Variants in CACHD1 observed in about 807,000 individuals in gnomAD.
The protein encoded by CACHD1 is VWFA and cache domain-containing protein 1.
A neutral mutation model predicts 138.7 loss-of-function variants in CACHD1; 71 were observed. The ratio of observed to expected loss-of-function variants is 0.51; its 90% CI spans 0.42 to 0.62. The LOEUF (loss-of-function observed/expected upper bound fraction) is 0.62, where lower values mean the gene tolerates loss of function less well. CACHD1 is among the 20% of genes least tolerant of loss of function. The pLI is 0.00. For missense variants in CACHD1, 1,389 were observed against 1,625.3 expected (o/e 0.85, Z 2.50); for synonymous variants, 578 against 591.5 (o/e 0.98, Z 0.33).
chr1:64,644,653 A>G (rs2100666040), intron 8 of CACHD1, among the ~76,000 whole-genome samples: 1 of 152,306 alleles, frequency 6.6e-6, no homozygotes, highest in African/African-American at 2.4e-5. Context: ...ATCTAACCAG[A>G]CACACATCCT....
In CACHD1 at chr1:64,597,628, A is replaced by C. The variant is rs570601881; in HGVS notation, c.411-5178A>C. On this transcript the variant is annotated intron_variant, in intron 3 of 26. Transcript: ENST00000651257. ...ACACTGGTTTTATCTTATGAAAATG[A>C]GCATAGAATGCAGTTATAGAGTCAG... Among the ~76,000 whole-genome samples the C allele has an allele frequency of 4.1e-5, 6 of 147,422 alleles. No homozygotes were observed. In the Admixed American group the frequency reaches 4.2e-4, roughly 10 times the overall value.
intron 8 of CACHD1, among the ~76,000 whole-genome samples, chr1:64,646,952 A>T (rs1258248648): frequency 1.3e-5 from 2 of 152,156 alleles, no homozygotes; most frequent in African/African-American, 4.8e-5. Flanking sequence ...CCTTTTAAAA[A>T]GGCAGTGGTA....
At position 64,598,930 on chromosome 1, in the gene CACHD1, AT is replaced by A. The variant is rs1480032427; in HGVS notation, c.411-3875del. 2.2e-5 allele frequency among the ~76,000 whole-genome samples: 3 copies of A among 134,304 alleles called. No individual in the cohort carries two copies. The East Asian group carries it at 6.1e-4, about 27-fold the overall frequency. 88.1% of individuals were successfully genotyped at this position (134,304 alleles called of 152,430 possible). A position where few individuals can be genotyped will look rare whatever the true frequency, so the allele number is the denominator to read the frequency against. ...ATATATTAATATCATTAATATTATT[AT>A]ATATTAATATTAATATATATTAATA... On this transcript the variant is annotated intron_variant, in intron 3 of 26. Transcript: ENST00000651257.
chr1:64,671,076 T>A (rs919453261), intron 16 of CACHD1, among the ~76,000 whole-genome samples: 2 of 152,236 alleles, frequency 1.3e-5, no homozygotes, highest in African/African-American at 2.4e-5. Flanking sequence ...GGAAAAAAAC[T>A]GGACTAGACA....
intron 26 of CACHD1, among the ~76,000 whole-genome samples, chr1:64,685,825 G>A (rs1168384756): frequency 1.3e-5 from 2 of 150,748 alleles, no homozygotes; most frequent in Non-Finnish European, 2.9e-5. Context: ...AACTCTTTGA[G>A]CTCTTTGAGA....
intron 1 of CACHD1, among the ~76,000 whole-genome samples, chr1:64,511,647 G>C (rs1370495337): frequency 6.6e-6 from 1 of 152,222 alleles, no homozygotes; most frequent in Non-Finnish European, 1.5e-5. Flanking sequence ...TACTGCAGAA[G>C]ACAATCTGTT....
At chr1:64,487,457 A>T (rs1159446036) in intron 1 of CACHD1, among the ~76,000 whole-genome samples, 2 of 152,192 alleles carry the variant, frequency 1.3e-5, no homozygotes, top group African/African-American at 4.8e-5. Context: ...AAGCTCCTAG[A>T]GCTGGGTTGA....
intron 13 of CACHD1, among the ~76,000 whole-genome samples, chr1:64,661,305 C>T (rs1649432753): frequency 6.6e-6 from 1 of 152,064 alleles, no homozygotes; most frequent in African/African-American, 2.4e-5. Context: ...TTTAAGAGTG[C>T]ATCATCTAAG....
chr1:64,575,969 A>T (rs1266267065), intron 2 of CACHD1, among the ~76,000 whole-genome samples: 1 of 152,352 alleles, frequency 6.6e-6, no homozygotes, highest in East Asian at 1.9e-4. Context: ...AAAGAAATTC[A>T]TTGATGTTGT....
At chr1:64,679,913 G>T (rs749199670) in intron 24 of CACHD1, among the ~76,000 whole-genome samples, 157 bp downstream of exon 24, 15 of 152,172 alleles carry the variant, frequency 9.9e-5, no homozygotes, top group Admixed American at 3.3e-4. Flanking sequence ...CTTCTTCAGT[G>T]CCTAAACCCT....
intron 4 of CACHD1, among the ~76,000 whole-genome samples, chr1:64,607,120 G>A (rs1054694360): frequency 4.6e-5 from 7 of 152,132 alleles, no homozygotes; most frequent in African/African-American, 1.7e-4. Flanking sequence ...AGATCACGTA[G>A]CAAGTGACTG....
rs1436226716 is a variant in CACHD1, at chr1:64,691,576, C to G, written c.*15C>G. 3 of 1,602,082 alleles carry G rather than the reference C, an allele frequency of 1.9e-6. No homozygotes were observed. Among genetic ancestry groups the G allele is most frequent in the Admixed American group, 1.7e-5 (1 of 59,992 alleles). On this transcript the variant is annotated 3_prime_UTR_variant, in exon 27 of 27. Transcript: ENST00000651257. Reference sequence around the variant, plus strand: ...CAGAATGCTAACAATCTCCTCACCTCCACGCCAAGATGAGATCTGGGAGCT... The same window carrying G: ...CAGAATGCTAACAATCTCCTCACCTGCACGCCAAGATGAGATCTGGGAGCT...
At chr1:64,575,879 C>T (rs1265297520) in intron 2 of CACHD1, among the ~76,000 whole-genome samples, 1 of 152,078 alleles carries the variant, frequency 6.6e-6, no homozygotes, top group Non-Finnish European at 1.5e-5. Flanking sequence ...GTAAAAAGAG[C>T]TTTTAAAAAA....
At chr1:64,595,778 C>T (rs1647145912) in intron 3 of CACHD1, among the ~76,000 whole-genome samples, 1 of 152,198 alleles carries the variant, frequency 6.6e-6, no homozygotes, top group South Asian at 2.1e-4. Context: ...AGGGCCTTCT[C>T]TCCATAATCT....
chr1:64,502,795 A>G (rs1016460117), intron 1 of CACHD1, among the ~76,000 whole-genome samples: 2 of 152,160 alleles, frequency 1.3e-5, no homozygotes, highest in African/African-American at 4.8e-5. Context: ...AAAACCACTT[A>G]ACCTGTAGTT....
intron 9 of CACHD1, 105 bp downstream of exon 9, chr1:64,648,139 C>A (rs1648974297): frequency 2.5e-6 from 2 of 815,234 alleles, no homozygotes; most frequent in African/African-American, 1.7e-5. Flanking sequence ...CCCCTGCCAC[C>A]TGTCCTATAT....
intron 4 of CACHD1, among the ~76,000 whole-genome samples, chr1:64,616,485 A>G (rs1426875262): frequency 6.6e-6 from 1 of 152,206 alleles, no homozygotes; most frequent in Non-Finnish European, 1.5e-5. Context: ...TAAAAATGGT[A>G]AGAATTACCC....
chr1:64,514,386 A>T (rs914798861), intron 1 of CACHD1, among the ~76,000 whole-genome samples: 1 of 152,180 alleles, frequency 6.6e-6, no homozygotes, highest in Non-Finnish European at 1.5e-5. Context: ...TCTTTTCAAG[A>T]GGTGTCCATA....
chr1:64,507,181 T>C (rs762593118), intron 1 of CACHD1, among the ~76,000 whole-genome samples: 1 of 152,226 alleles, frequency 6.6e-6, no homozygotes, highest in Non-Finnish European at 1.5e-5. Flanking sequence ...GACTTTAGGA[T>C]CACAGCTACC....
Sources: allele counts gnomAD v4.1 joint callset (sites outside exome capture counted in the v4.1 genomes callset), GRCh38; gene constraint gnomAD v4.1.1; transcripts MANE v1.5; gene names NCBI Gene and HGNC (gene_info 2026-07-23, HGNC 2026-07-21).